Variants in PDE1C observed in about 807,000 individuals in gnomAD.
PDE1C encodes dual specificity calcium/calmodulin-dependent 3',5'-cyclic nucleotide phosphodiesterase 1C.
In PDE1C, 62 loss-of-function variants were observed where a neutral mutation model predicts 93.1. That is an observed-to-expected ratio of 0.67 (90% CI 0.54 to 0.82). The LOEUF is 0.82. Among genes scored for constraint, PDE1C ranks in the 40% least tolerant of loss-of-function variants. The pLI, the probability that PDE1C is intolerant of heterozygous loss-of-function variation, is 0.00. For missense variants in PDE1C, 742 were observed against 884.6 expected, an observed-to-expected ratio of 0.84 and a Z score of 2.04; for synonymous variants, 325 against 310.1, an observed-to-expected ratio of 1.05 and a Z score of -0.50.
intron 3 of PDE1C, among the ~76,000 whole-genome samples, chr7:32,139,103 T>A (rs1800367179): frequency 5.9e-5 from 9 of 152,094 alleles, no homozygotes; most frequent in Admixed American, 5.2e-4. Flanking sequence ...TTCAGATACC[T>A]CTATCCTGGT....
At chr7:32,112,832 GTGTGTGTGTGTGTGTATA>G (rs1798734108) in intron 3 of PDE1C, among the ~76,000 whole-genome samples, 6 of 57,822 alleles carry the variant, frequency 1.0e-4, no homozygotes, top group Non-Finnish European at 1.7e-4. Flanking sequence ...GTGTGTGTGT[GTGTGTGTGTGTGTGTATA>G]TATATATATA....
chr7:32,371,674 T>A (rs1350646989), intron 1 of PDE1C, among the ~76,000 whole-genome samples: 2 of 152,188 alleles, frequency 1.3e-5, no homozygotes, highest in Non-Finnish European at 2.9e-5. Context: ...TTTGTAAAAC[T>A]TTGACAACTA....
intron 2 of PDE1C, among the ~76,000 whole-genome samples, chr7:31,909,753 G>A (rs1441457971): frequency 6.6e-6 from 1 of 152,096 alleles, no homozygotes; most frequent in African/African-American, 2.4e-5. Flanking sequence ...TTTCAGATGA[G>A]TTCTTCAGGC....
intron 1 of PDE1C, among the ~76,000 whole-genome samples, chr7:32,422,862 G>GT (rs1785460289): frequency 1.3e-5 from 2 of 152,152 alleles, no homozygotes; most frequent in African/African-American, 4.8e-5. Flanking sequence ...AAAAGGGCTA[G>GT]GGAGGTGAAG....
At chr7:31,772,438 A>G (rs924437004) in intron 17 of PDE1C, among the ~76,000 whole-genome samples, 3 of 150,846 alleles carry the variant, frequency 2.0e-5, no homozygotes, top group African/African-American at 7.3e-5. Context: ...CACAGGATTC[A>G]AGCTCCTTCC....
exon 1 of PDE1C, chr7:32,299,069 C>G (rs1386188986): frequency 1.8e-6 from 2 of 1,103,464 alleles, no homozygotes; most frequent in Non-Finnish European, 2.2e-6. Context: ...GCGCGGAGAT[C>G]CCTGCCTGGC....
chr7:31,880,156 C>T (rs560114361), intron 3 of PDE1C, among the ~76,000 whole-genome samples: 8 of 152,204 alleles, frequency 5.3e-5, no homozygotes, highest in African/African-American at 1.7e-4. Flanking sequence ...AAAACCACAC[C>T]TTTCGTATTC....
intron 2 of PDE1C, among the ~76,000 whole-genome samples, chr7:31,939,042 G>A (rs1805468137): frequency 6.6e-6 from 1 of 152,088 alleles, no homozygotes; most frequent in Non-Finnish European, 1.5e-5. Context: ...AGTCCTTCAG[G>A]AAGTCCAAAT....
chr7:32,385,673 C>T (rs932961926), intron 1 of PDE1C, among the ~76,000 whole-genome samples: 9 of 152,156 alleles, frequency 5.9e-5, no homozygotes, highest in African/African-American at 2.2e-4. Context: ...GTGCCTGGAA[C>T]AATGTCTGGC....
intron 2 of PDE1C, among the ~76,000 whole-genome samples, chr7:31,996,465 C>T (rs1285844484): frequency 6.6e-6 from 1 of 152,178 alleles, no homozygotes; most frequent in Admixed American, 6.5e-5. Context: ...GGGAAAGTGT[C>T]TTTTGGATGG....
At chr7:31,634,169 C>T in the PDE1C span, among the ~76,000 whole-genome samples, 2 of 152,180 alleles carry the variant, frequency 1.3e-5, no homozygotes, top group South Asian at 2.1e-4. Flanking sequence ...TGTTTCCCAA[C>T]TTACAAGTCA....
intron 1 of PDE1C, among the ~76,000 whole-genome samples, chr7:32,347,119 C>T (rs967931747): frequency 6.6e-6 from 1 of 152,198 alleles, no homozygotes; most frequent in South Asian, 2.1e-4. Context: ...GAATCCGTCT[C>T]ACCTCTACTC....
chr7:32,345,265 A>G lies in PDE1C; in HGVS notation c.310+82557T>C, dbSNP rs995356838. 3.9e-5 allele frequency among the ~76,000 whole-genome samples: 6 copies of G among 152,308 alleles called. 1 individual carries two copies. The highest frequency in any genetic ancestry group is 3.9e-4 in the Admixed American group (6 of 15,302). On this transcript the variant is annotated intron_variant, in intron 1 of 1. Coordinates refer to the PDE1C transcript ENST00000672256. Reference sequence around the variant, plus strand: ...GCCCCTTCGCAGACACGTGCTGCCTACCTGCAGTGGGGAGGAAAGCAGGGA... The same window carrying G: ...GCCCCTTCGCAGACACGTGCTGCCTGCCTGCAGTGGGGAGGAAAGCAGGGA...
chr7:31,642,076 G>T, the PDE1C span: 5 of 671,308 alleles, frequency 7.4e-6, no homozygotes, highest in South Asian at 1.2e-4. Flanking sequence ...GGGCATTTCT[G>T]CAGGATCCAT....
chr7:31,915,514 A>AT (rs984604310), intron 2 of PDE1C, among the ~76,000 whole-genome samples: 1 of 152,162 alleles, frequency 6.6e-6, no homozygotes, highest in African/African-American at 2.4e-5. Context: ...CTACTTAAGC[A>AT]TTTTTCTGTA....
At chr7:32,057,551 A>C (rs1338472089) in intron 1 of PDE1C, among the ~76,000 whole-genome samples, 1 of 152,212 alleles carries the variant, frequency 6.6e-6, no homozygotes, top group Non-Finnish European at 1.5e-5. Context: ...CAGTATTTAA[A>C]TAGGTTCCCC....
intron 8 of PDE1C, 69 bp from the exon 9 acceptor site, chr7:31,848,165 C>A: frequency 6.7e-7 from 1 of 1,483,022 alleles, no homozygotes. Flanking sequence ...TTCTAACAGG[C>A]TAGAACGCAC....
chr7:32,401,589 A>G (rs897321317), intron 1 of PDE1C, among the ~76,000 whole-genome samples: 2 of 151,886 alleles, frequency 1.3e-5, no homozygotes, highest in Non-Finnish European at 2.9e-5. Context: ...AAACCAGATG[A>G]GGAAATAAAT....
intron 1 of PDE1C, among the ~76,000 whole-genome samples, chr7:32,333,024 T>C (rs1437926735): frequency 3.3e-5 from 5 of 152,230 alleles, no homozygotes; most frequent in Non-Finnish European, 1.5e-5. Flanking sequence ...TGCATTTATG[T>C]ATTTATGTTG....
Sources: allele counts gnomAD v4.1 joint callset (sites outside exome capture counted in the v4.1 genomes callset), GRCh38; gene constraint gnomAD v4.1.1; transcripts MANE v1.5; gene names NCBI Gene and HGNC (gene_info 2026-07-23, HGNC 2026-07-21).